The following DARS1 variants were observed in gnomAD, a reference collection of about 807,000 sequenced individuals.
DARS1 encodes aspartate--tRNA ligase, cytoplasmic.
DARS1 carries 51 observed loss-of-function variants against 68.8 expected under a neutral mutation model. The observed-to-expected ratio is 0.74, with a 90% CI of 0.59 to 0.94. The LOEUF is 0.94. Among genes scored for constraint, DARS1 ranks in the 40% least tolerant of loss-of-function variants. DARS1 has a pLI of 0.00. For missense variants in DARS1, 607 were observed against 597.3 expected (o/e 1.02, Z -0.17); for synonymous variants, 203 against 190.4 (o/e 1.07, Z -0.55).
At chr2:135,982,715 C>T (rs926022718) in intron 2 of DARS1, among the ~76,000 whole-genome samples, 4 of 151,934 alleles carry the variant, frequency 2.6e-5, no homozygotes, top group African/African-American at 7.3e-5. Flanking sequence ...ACTAAAGCTA[C>T]GAGTAAACAA....
intron 4 of DARS1, among the ~76,000 whole-genome samples, chr2:135,958,779 C>T (rs1682033890): frequency 6.6e-6 from 1 of 152,140 alleles, no homozygotes; most frequent in South Asian, 2.1e-4. Context: ...CCTTAACATG[C>T]TAGTGCCAAA....
chr2:135,907,604 G>A (rs1680815782), intron 15 of DARS1, among the ~76,000 whole-genome samples, 197 bp from the exon 16 acceptor site: 2 of 152,040 alleles, frequency 1.3e-5, no homozygotes, highest in Admixed American at 1.3e-4. Flanking sequence ...TAAATGAAAA[G>A]GACTAAGTAA....
Position 135,920,592 on chromosome 2 carries a change from C to T in DARS1, c.820G>A (p.Ala274Thr), listed in dbSNP as rs753755618. The change falls in exon 10 of 16, where the codon GCG becomes ACG. Residue 274 changes from alanine (A) to threonine (T), a missense_variant. Physicochemically the swap from Ala to Thr is moderately conservative, Grantham distance 58 (BLOSUM62 0). Coordinates refer to ENST00000264161, the MANE Select transcript of DARS1 (RefSeq NM_001349.4). ...KVFSIGPVFRAEDSNTHRHLT... is the reference protein window; with the variant it reads ...KVFSIGPVFRTEDSNTHRHLT... ...TGTCTATGGGTATTAGAGTCTTCCG[C>T]TCTGAATACTGTGAAGTTAATAAAA... 6.3e-7 allele frequency: 1 copy of T among 1,595,530 alleles called. No homozygotes were observed. Among genetic ancestry groups the T allele is most frequent in the Non-Finnish European group, 8.5e-7 (1 of 1,174,210 alleles).
chr2:135,930,516 G>C (rs996586486), intron 7 of DARS1, among the ~76,000 whole-genome samples: 1 of 152,124 alleles, frequency 6.6e-6, no homozygotes, highest in East Asian at 1.9e-4. Context: ...CTATTAAGGA[G>C]ACCTCACACT....
intron 4 of DARS1, among the ~76,000 whole-genome samples, chr2:135,956,746 C>T (rs1297514430): frequency 6.6e-6 from 1 of 152,100 alleles, no homozygotes; most frequent in African/African-American, 2.4e-5. Flanking sequence ...TTAAATCATT[C>T]TTTAAACCAT....
chr2:135,907,273 T>C lies in DARS1; in HGVS notation c.*43A>G. On this transcript the variant is annotated 3_prime_UTR_variant, in exon 16 of 16. Coordinates refer to ENST00000264161, the MANE Select transcript of DARS1 (RefSeq NM_001349.4). ...TTTTTTTTTTTTTTGAGGCAGGGTC[T>C]CGCTCTGTCATCCACACTGGAGTTA... 1.0e-6 allele frequency: 1 copy of C among 985,304 alleles called. No homozygotes were observed. Among genetic ancestry groups the C allele is most frequent in the Non-Finnish European group, 1.5e-6 (1 of 661,144 alleles). The allele number at this position is 985,304 out of a possible 1,614,324, so 61.0% of individuals were successfully genotyped here.
At chr2:135,950,282 AT>A (rs1681813528) in intron 4 of DARS1, among the ~76,000 whole-genome samples, 1 of 152,200 alleles carries the variant, frequency 6.6e-6, no homozygotes, top group South Asian at 2.1e-4. Context: ...AGCTCCAAGC[AT>A]TTTATATATA....
chr2:135,970,704 C>CT (rs1682350853), intron 3 of DARS1, among the ~76,000 whole-genome samples: 1 of 151,864 alleles, frequency 6.6e-6, no homozygotes, highest in African/African-American at 2.4e-5. Context: ...AAATGACAAG[C>CT]TTTTAGCCAG....
At chr2:135,908,063 G>A (rs2104790072) in intron 15 of DARS1, among the ~76,000 whole-genome samples, 1 of 152,170 alleles carries the variant, frequency 6.6e-6, no homozygotes, top group South Asian at 2.1e-4. Context: ...TCTCCATCCG[G>A]ACTCATATTA....
Position 135,978,012 on chromosome 2 carries a change from G to A in DARS1, c.217+1262C>T, listed in dbSNP as rs757136126. The stretch of plus-strand genomic sequence containing the variant: ...GCAAAACTTTGCCAGGCATGGTGGC[G>A]CATGCCTGTAATCCCAGCTACTTGG... On this transcript the variant is annotated intron_variant, in intron 3 of 15. Coordinates refer to ENST00000264161, the MANE Select transcript of DARS1 (RefSeq NM_001349.4). 9.2e-5 allele frequency among the ~76,000 whole-genome samples: 14 copies of A among 151,458 alleles called. No individual in the cohort carries two copies. In the South Asian group the frequency reaches 1.3e-3, roughly 14 times the overall value.
Position 135,920,580 on chromosome 2 carries a change from TA to T in DARS1, c.831del (p.Asn278IlefsTer6). 1 of 1,610,974 alleles carries T rather than the reference TA, an allele frequency of 6.2e-7. No individual in the cohort carries two copies. Among genetic ancestry groups the T allele is most frequent in the Non-Finnish European group, 8.5e-7 (1 of 1,179,094 alleles). ...SIGPVFRAED[S>X]NTHRHLTEFV... is the part of the protein sequence containing the mutation. ...AACTCAGTTAGATGTCTATGGGTAT[TA>T]GAGTCTTCCGCTCTGAATACTGTGA... On this transcript the variant is annotated frameshift_variant, in exon 10 of 16. Transcript: ENST00000264161. LOFTEE classifies it high-confidence loss of function.
At chr2:135,968,785 C>A (rs1302860044) in intron 3 of DARS1, among the ~76,000 whole-genome samples, 1 of 151,892 alleles carries the variant, frequency 6.6e-6, no homozygotes, top group Non-Finnish European at 1.5e-5. Context: ...CCTCAGACTC[C>A]CAGGTAGCTG....
intron 3 of DARS1, among the ~76,000 whole-genome samples, chr2:135,962,365 T>TA (rs902960607): frequency 1.3e-5 from 2 of 152,314 alleles, no homozygotes; most frequent in East Asian, 3.9e-4. Flanking sequence ...TACTTCTTCA[T>TA]AAAAAATGGG....
At chr2:135,960,636 T>A (rs1359608205) in intron 4 of DARS1, among the ~76,000 whole-genome samples, 2 of 152,166 alleles carry the variant, frequency 1.3e-5, no homozygotes, top group African/African-American at 4.8e-5. Flanking sequence ...AGACCATCCA[T>A]TTTCTCATGT....
At chr2:135,916,935 A>C (rs1575383707) in intron 10 of DARS1, among the ~76,000 whole-genome samples, 1 of 152,132 alleles carries the variant, frequency 6.6e-6, no homozygotes. Context: ...AGTGGCTCAC[A>C]CCTGTAATCC....
chr2:135,918,340 T>C (rs146846478), intron 10 of DARS1, among the ~76,000 whole-genome samples: 25 of 152,306 alleles, frequency 1.6e-4, no homozygotes, highest in African/African-American at 5.5e-4. Flanking sequence ...ATATGTATTT[T>C]ATACACATAT....
At chr2:135,954,325 C>CAAAAAAAAAAAAAAAA (rs1172207033) in intron 4 of DARS1, among the ~76,000 whole-genome samples, 2 of 81,438 alleles carry the variant, frequency 2.5e-5, no homozygotes, top group African/African-American at 9.4e-5. Flanking sequence ...AAAACAAAAC[C>CAAAAAAAAAAAAAAAA]AAAAAAAAAA....
chr2:135,952,869 T>G (rs978739272), intron 4 of DARS1, among the ~76,000 whole-genome samples: 1 of 152,228 alleles, frequency 6.6e-6, no homozygotes, highest in Admixed American at 6.5e-5. Flanking sequence ...GACATAATCA[T>G]TTCATTTCCT....
intron 15 of DARS1, among the ~76,000 whole-genome samples, chr2:135,909,139 T>TGGGG (rs1680847162): frequency 2.0e-5 from 1 of 49,758 alleles, no homozygotes; most frequent in Non-Finnish European, 4.0e-5. Context: ...GTCGGGAGGG[T>TGGGG]GGGGTGGGGG....
Sources: allele counts gnomAD v4.1 joint callset (sites outside exome capture counted in the v4.1 genomes callset), GRCh38; gene constraint gnomAD v4.1.1; transcripts MANE v1.5; gene names NCBI Gene and HGNC (gene_info 2026-07-23, HGNC 2026-07-21).